Variants in GATAD2A observed in about 807,000 individuals in gnomAD.
GATAD2A encodes the protein GATA zinc finger domain containing 2A, also known as transcriptional repressor p66-alpha.
Under a neutral mutation model 68.5 loss-of-function variants are expected in GATAD2A, and 12 were observed. That is an observed-to-expected ratio of 0.18 (90% CI 0.11 to 0.28). The LOEUF (loss-of-function observed/expected upper bound fraction) is 0.28, where lower values mean the gene tolerates loss of function less well. Ranked by LOEUF, GATAD2A falls within the 10% of genes least tolerant of loss-of-function variation. The pLI is 1.00. For missense variants in GATAD2A, 755 were observed against 868.5 expected (o/e 0.87, Z 1.64); for synonymous variants, 410 against 375.3 (o/e 1.09, Z -1.07).
Position 19,506,216 on chromosome 19 carries a change from C to G in GATAD2A, c.*742C>G. ...CTCCATTGCTGCTTGTTCTGGAGAC[C>G]CCCGCCCCCGCACCTTCCAGACTTA... is the stretch of plus-strand genomic sequence containing the variant. On this transcript the variant is annotated 3_prime_UTR_variant, in exon 12 of 12. Coordinates refer to ENST00000683918, the MANE Select transcript of GATAD2A (RefSeq NM_001384528.1). 2.5e-6 allele frequency: 1 copy of G among 398,562 alleles called. No homozygotes were observed. Among genetic ancestry groups the G allele is most frequent in the Non-Finnish European group, 4.4e-6 (1 of 225,900 alleles). The allele number at this position is 398,562 out of a possible 1,614,324, so 24.7% of individuals were successfully genotyped here.
At chr19:19,454,669 G>A (rs1397101841) in intron 1 of GATAD2A, among the ~76,000 whole-genome samples, 1 of 151,362 alleles carries the variant, frequency 6.6e-6, no homozygotes, top group African/African-American at 2.4e-5. Context: ...TTCCTAGGCT[G>A]TAGTGATCCT....
At chr19:19,472,072 A>T (rs556879769) in intron 2 of GATAD2A, among the ~76,000 whole-genome samples, 20 of 152,284 alleles carry the variant, frequency 1.3e-4, no homozygotes, top group South Asian at 1.0e-3. Flanking sequence ...TTTTTAAAAA[A>T]TTTTTTGTAG....
chr19:19,504,383 A>G (rs766218651), intron 11 of GATAD2A, among the ~76,000 whole-genome samples: 3 of 152,222 alleles, frequency 2.0e-5, no homozygotes, highest in Non-Finnish European at 2.9e-5. Context: ...GTGAACAAAT[A>G]TTACATTTAA....
At chr19:19,388,616 CA>C (rs2048624874) in intron 1 of GATAD2A, among the ~76,000 whole-genome samples, 1 of 151,882 alleles carries the variant, frequency 6.6e-6, no homozygotes, top group Non-Finnish European at 1.5e-5. Flanking sequence ...CTCCATTTTC[CA>C]GCCGTGAGGC....
chr19:19,497,616 T>C (rs2060237324), intron 7 of GATAD2A, among the ~76,000 whole-genome samples: 1 of 152,096 alleles, frequency 6.6e-6, no homozygotes, highest in African/African-American at 2.4e-5. Context: ...GGAACCTTTC[T>C]TGGGGGGTGG....
chr19:19,436,914 G>A (rs2054424893), intron 1 of GATAD2A, among the ~76,000 whole-genome samples: 1 of 152,210 alleles, frequency 6.6e-6, no homozygotes, highest in South Asian at 2.1e-4. Context: ...ACTTGCCTAG[G>A]GATTCATGCC....
At chr19:19,413,148 G>A (rs1415169144) in intron 1 of GATAD2A, among the ~76,000 whole-genome samples, 1 of 152,200 alleles carries the variant, frequency 6.6e-6, no homozygotes, top group African/African-American at 2.4e-5. Context: ...GGGGTTTCAA[G>A]TTGGTGGAAT....
At chr19:19,427,334 A>G (rs2053216557) in intron 1 of GATAD2A, among the ~76,000 whole-genome samples, 2 of 151,196 alleles carry the variant, frequency 1.3e-5, no homozygotes, top group South Asian at 4.2e-4. Context: ...GAATTCAGAA[A>G]TATTCTATAC....
At chr19:19,398,402 T>C (rs903873493) in intron 1 of GATAD2A, among the ~76,000 whole-genome samples, 4 of 151,930 alleles carry the variant, frequency 2.6e-5, no homozygotes, top group Admixed American at 2.6e-4. Context: ...CGGGGTTTCA[T>C]GTTGGCCAGG....
chr19:19,481,280 C>T (rs1418730617), intron 2 of GATAD2A, among the ~76,000 whole-genome samples: 1 of 152,196 alleles, frequency 6.6e-6, no homozygotes, highest in Non-Finnish European at 1.5e-5. Flanking sequence ...CTACCCCTTC[C>T]AGCAGGCTTT....
intron 2 of GATAD2A, among the ~76,000 whole-genome samples, chr19:19,492,078 C>T (rs1251024951): frequency 2.0e-5 from 3 of 152,234 alleles, no homozygotes; most frequent in African/African-American, 7.2e-5. Flanking sequence ...GGCATGAAGT[C>T]CCTACCATCA....
chr19:19,475,360 C>T (rs2058604780), intron 2 of GATAD2A, among the ~76,000 whole-genome samples: 1 of 152,180 alleles, frequency 6.6e-6, no homozygotes, highest in Non-Finnish European at 1.5e-5. Context: ...ATCGGGGTGC[C>T]AGAGCTTTGG....
At chr19:19,401,212 C>CTTT (rs1187049852), upstream of GATAD2A, among the ~76,000 whole-genome samples, 143 of 91,818 alleles carry the variant, frequency 1.6e-3, 4 homozygotes, top group African/African-American at 4.8e-3. Flanking sequence ...AAAAACTTGG[C>CTTT]TTTTTTTTTT....
Position 19,495,652 on chromosome 19 carries a change from A to C in GATAD2A, c.625-102A>C, listed in dbSNP as rs1048896775. The C allele has an allele frequency of 1.4e-5, 15 of 1,085,214 alleles. No individual in the cohort carries two copies. In the Admixed American group the frequency reaches 1.7e-4, roughly 12 times the overall value. The allele number at this position is 1,085,214 out of a possible 1,614,324, so 67.2% of individuals were successfully genotyped here. Reference sequence around the variant, plus strand: ...TGCTACTTAAAAAAAAAAAAAAAAAAAAACTAGTATGTACTTTCATAAAAG... The same window carrying C: ...TGCTACTTAAAAAAAAAAAAAAAAACAAACTAGTATGTACTTTCATAAAAG... On this transcript the variant is annotated intron_variant, in intron 5 of 11. Coordinates refer to ENST00000683918, the MANE Select transcript of GATAD2A (RefSeq NM_001384528.1).
intron 1 of GATAD2A, among the ~76,000 whole-genome samples, chr19:19,462,212 G>A (rs2057494087): frequency 6.6e-6 from 1 of 152,220 alleles, no homozygotes; most frequent in Non-Finnish European, 1.5e-5. Context: ...CGCCAGCCCT[G>A]TTGTGCTGGG....
intron 1 of GATAD2A, among the ~76,000 whole-genome samples, chr19:19,410,000 G>C (rs565693469): frequency 2.0e-5 from 3 of 152,152 alleles, no homozygotes; most frequent in Non-Finnish European, 4.4e-5. Flanking sequence ...GGGAATCCAC[G>C]AAACCCTCTA....
rs1216763925 is a variant in GATAD2A, at chr19:19,508,063, T to C, written c.*2589T>C. ...GCCTGGGTCCTGGTCCCGAGAGCCC[T>C]ACCAGGATCAGGTTCCTGCAAGCCG... On this transcript the variant is annotated 3_prime_UTR_variant, in exon 12 of 12. Coordinates refer to ENST00000683918, the MANE Select transcript of GATAD2A (RefSeq NM_001384528.1). The C allele has an allele frequency of 6.6e-6, 1 of 152,140 alleles. No homozygotes were observed. The highest frequency in any genetic ancestry group is 2.4e-5 in the African/African-American group (1 of 41,418). The allele number at this position is 152,140 out of a possible 1,614,324, so 9.4% of individuals were successfully genotyped here.
intron 7 of GATAD2A, among the ~76,000 whole-genome samples, chr19:19,497,414 C>T (rs769163996): frequency 2.6e-5 from 4 of 152,214 alleles, no homozygotes; most frequent in Non-Finnish European, 5.9e-5. Flanking sequence ...AACTTTTATC[C>T]AGTCCTTTCT....
At chr19:19,437,408 G>A (rs1320513844) in intron 1 of GATAD2A, among the ~76,000 whole-genome samples, 1 of 152,216 alleles carries the variant, frequency 6.6e-6, no homozygotes, top group African/African-American at 2.4e-5. Flanking sequence ...GGGCATACAG[G>A]CAAATTACAC....
Sources: gnomAD v4.1 joint callset for allele counts (sites outside exome capture counted in the v4.1 genomes callset) on GRCh38, gnomAD v4.1.1 for gene constraint, MANE v1.5 for transcripts, NCBI Gene and HGNC (gene_info 2026-07-23, HGNC 2026-07-21) for gene names.